The following HS3ST3A1 variants were observed in gnomAD, a reference collection of about 807,000 sequenced individuals.
HS3ST3A1 encodes the protein heparan sulfate glucosamine 3-O-sulfotransferase 3A1.
HS3ST3A1 carries 19 observed loss-of-function variants against 25.7 expected under a neutral mutation model. That is an observed-to-expected ratio of 0.74 (90% CI 0.52 to 1.08). HS3ST3A1 has a LOEUF of 1.08. Among genes scored for constraint, HS3ST3A1 ranks in the 50% least tolerant of loss-of-function variants. The probability of loss-of-function intolerance (pLI) is 0.00; values close to 1 mark genes in which losing one functional copy is unlikely to be tolerated. For missense variants in HS3ST3A1, 459 were observed against 594.3 expected, an observed-to-expected ratio of 0.77 and a Z score of 2.37; for synonymous variants, 226 against 278.6, an observed-to-expected ratio of 0.81 and a Z score of 1.88.
chr17:13,532,857 A>G (rs1193243431), intron 1 of HS3ST3A1, among the ~76,000 whole-genome samples: 2 of 142,746 alleles, frequency 1.4e-5, no homozygotes, highest in Non-Finnish European at 3.0e-5. Flanking sequence ...GGTTATGGTT[A>G]CACACACACA....
rs570608470 is a variant in HS3ST3A1, at chr17:13,515,814, GT to G, written c.600-18997del. Among the ~76,000 whole-genome samples, 761 of 152,236 alleles carry G rather than the reference GT, an allele frequency of 5.0e-3. 9 individuals are homozygous for G. Among genetic ancestry groups the G allele is most frequent in the African/African-American group, 0.017 (725 of 41,554 alleles). ...TCCTTGTCAGCACTTAATGTTATCA[GT>G]TTTTAAAAATAATTTTAGCCATTCT... is the stretch of plus-strand genomic sequence containing the variant. On this transcript the variant is annotated intron_variant, in intron 1 of 1. Transcript: ENST00000284110.
chr17:13,513,729 T>C (rs1162315157), intron 1 of HS3ST3A1, among the ~76,000 whole-genome samples: 2 of 152,210 alleles, frequency 1.3e-5, no homozygotes, highest in African/African-American at 2.4e-5. Context: ...CCATAAAGTG[T>C]TTAGTGAATC....
intron 1 of HS3ST3A1, among the ~76,000 whole-genome samples, chr17:13,563,530 G>A (rs1176290514): frequency 6.6e-6 from 1 of 152,164 alleles, no homozygotes; most frequent in Non-Finnish European, 1.5e-5. Flanking sequence ...CCAGCTACTA[G>A]TCTAAAGTGT....
Position 13,596,372 on chromosome 17 carries a change from G to GCCTT in HS3ST3A1, c.599+4155_599+4158dup, listed in dbSNP as rs570951219. 2.5e-4 allele frequency among the ~76,000 whole-genome samples: 37 copies of GCCTT among 150,518 alleles called. No homozygotes were observed. The South Asian group carries it at 7.9e-3, about 32-fold the overall frequency. On this transcript the variant is annotated intron_variant, in intron 1 of 1. Coordinates refer to ENST00000284110, the MANE Select transcript of HS3ST3A1 (RefSeq NM_006042.3). ...TCTCATAAATTCCATCATTGTCCCT[G>GCCTT]CCTTCTCGGTGTCTGCTCCCGCATG...
chr17:13,530,033 T>A (rs371890842), intron 1 of HS3ST3A1, among the ~76,000 whole-genome samples: 1 of 91,400 alleles, frequency 1.1e-5, no homozygotes, highest in Non-Finnish European at 2.5e-5. Context: ...CACACACACA[T>A]ACACACGGGT....
At position 13,530,076 on chromosome 17, in the gene HS3ST3A1, G is replaced by A. The variant is rs73978640; in HGVS notation, c.600-33258C>T. 4.0e-3 allele frequency among the ~76,000 whole-genome samples: 612 copies of A among 151,854 alleles called. 4 individuals are homozygous for A. Among genetic ancestry groups the A allele is most frequent in the African/African-American group, 0.014 (584 of 41,366 alleles). On this transcript the variant is annotated intron_variant, in intron 1 of 1. Coordinates refer to ENST00000284110, the MANE Select transcript of HS3ST3A1 (RefSeq NM_006042.3). ...GGCATATACCTACCATTAGGAAAAG[G>A]AGAAAGACCAGGGGCTTGATCTCAG... is the stretch of plus-strand genomic sequence containing the variant.
Position 13,585,508 on chromosome 17 carries a change from C to CT in HS3ST3A1, c.599+15022dup, listed in dbSNP as rs71144978. 5.8e-3 allele frequency among the ~76,000 whole-genome samples: 849 copies of CT among 146,712 alleles called. 12 individuals carry two copies. The highest frequency in any genetic ancestry group is 0.019 in the African/African-American group (760 of 39,928). ...AGCCAGTGCACCTGGCCCTATTCTC[C>CT]TTTTTTTTTTTTCCTTTTTAAAATG... On this transcript the variant is annotated intron_variant, in intron 1 of 1. Coordinates refer to ENST00000284110, the MANE Select transcript of HS3ST3A1 (RefSeq NM_006042.3).
At chr17:13,579,701 C>CAAAAAAAA in intron 1 of HS3ST3A1, among the ~76,000 whole-genome samples, 1 of 23,666 alleles carries the variant, frequency 4.2e-5, no homozygotes, top group Non-Finnish European at 7.9e-5. Flanking sequence ...ACTCCATCTC[C>CAAAAAAAA]AAAAAAAAAA....
At chr17:13,537,629 G>A (rs573569778) in intron 1 of HS3ST3A1, among the ~76,000 whole-genome samples, 3 of 152,264 alleles carry the variant, frequency 2.0e-5, no homozygotes, top group Admixed American at 2.0e-4. Flanking sequence ...TTTAAAACAA[G>A]CATACCAGCA....
intron 1 of HS3ST3A1, among the ~76,000 whole-genome samples, chr17:13,548,005 C>T (rs1907135904): frequency 6.6e-6 from 1 of 150,482 alleles, no homozygotes; most frequent in African/African-American, 2.5e-5. Context: ...AAACACAGCA[C>T]AGTAGTCCTG....
intron 1 of HS3ST3A1, among the ~76,000 whole-genome samples, chr17:13,579,083 T>C (rs1372944259): frequency 6.6e-6 from 1 of 152,204 alleles, no homozygotes; most frequent in Non-Finnish European, 1.5e-5. Context: ...TTCATATAAC[T>C]GGACACGTTT....
intron 1 of HS3ST3A1, among the ~76,000 whole-genome samples, chr17:13,541,284 G>T (rs912268921): frequency 6.6e-6 from 1 of 152,224 alleles, no homozygotes; most frequent in African/African-American, 2.4e-5. Flanking sequence ...AAGTGCCAGA[G>T]TGATTCACTG....
chr17:13,599,284 G>A (rs1250280894), intron 1 of HS3ST3A1, among the ~76,000 whole-genome samples: 3 of 152,278 alleles, frequency 2.0e-5, no homozygotes, highest in African/African-American at 4.8e-5. Flanking sequence ...AGTGTTTAAT[G>A]TTCAAATTCT....
At chr17:13,526,629 A>G (rs1411674116) in intron 1 of HS3ST3A1, among the ~76,000 whole-genome samples, 2 of 149,886 alleles carry the variant, frequency 1.3e-5, no homozygotes, top group Admixed American at 6.7e-5. Flanking sequence ...CACAGTGGTC[A>G]TTTTCTTTTT....
intron 1 of HS3ST3A1, among the ~76,000 whole-genome samples, chr17:13,560,289 CAAAAAAAA>C (rs10632927): frequency 0.011 from 193 of 17,360 alleles, 3 homozygotes; most frequent in African/African-American, 0.022. Context: ...CACTCGTCTC[CAAAAAAAA>C]AAAAAAAAAA....
chr17:13,571,907 G>A (rs116618321), intron 1 of HS3ST3A1, among the ~76,000 whole-genome samples: 4,329 of 152,154 alleles, frequency 0.028, 200 homozygotes, highest in African/African-American at 0.098. Flanking sequence ...CTACCGGCAT[G>A]TGCCACTGCA....
intron 1 of HS3ST3A1, among the ~76,000 whole-genome samples, chr17:13,504,165 T>A (rs1905580034): frequency 6.6e-6 from 1 of 151,666 alleles, no homozygotes; most frequent in Non-Finnish European, 1.5e-5. Context: ...ATACAAAAAT[T>A]AGCTGGGTGT....
In HS3ST3A1 at chr17:13,596,209, C is replaced by T. The variant is rs943847094; in HGVS notation, c.599+4322G>A. Among the ~76,000 whole-genome samples the T allele has an allele frequency of 3.3e-5, 5 of 152,284 alleles. No homozygotes were observed. In the South Asian group the frequency reaches 1.0e-3, roughly 32 times the overall value. On this transcript the variant is annotated intron_variant, in intron 1 of 1. Coordinates refer to ENST00000284110, the MANE Select transcript of HS3ST3A1 (RefSeq NM_006042.3). ...TAAAGGAATATCCATTCACACAAGG[C>T]ATTCCAGTCCAAGCTCTACCAAGTG...
intron 1 of HS3ST3A1, among the ~76,000 whole-genome samples, chr17:13,550,743 T>A (rs917694990): frequency 3.3e-5 from 5 of 150,170 alleles, no homozygotes; most frequent in Non-Finnish European, 7.4e-5. Context: ...ACAAAACAGA[T>A]ATAAAGATAA....
Sources: gnomAD v4.1 joint callset for allele counts (sites outside exome capture counted in the v4.1 genomes callset) on GRCh38, gnomAD v4.1.1 for gene constraint, MANE v1.5 for transcripts, NCBI Gene and HGNC (gene_info 2026-07-23, HGNC 2026-07-21) for gene names.